Variants in SLC25A51 observed in about 807,000 individuals in gnomAD.
SLC25A51 encodes the protein mitochondrial nicotinamide adenine dinucleotide transporter SLC25A51.
SLC25A51 carries 11 observed loss-of-function variants against 19.1 expected under a neutral mutation model. That is an observed-to-expected ratio of 0.58 (90% CI 0.36 to 0.96). SLC25A51 has a LOEUF of 0.96. SLC25A51 is among the 40% of genes least tolerant of loss of function. SLC25A51 has a pLI of 0.01. For synonymous variants in SLC25A51, 105 were observed against 133.6 expected (o/e 0.79, Z 1.47); for missense variants, 201 against 365.4 (o/e 0.55, Z 3.67).
At chr9:37,901,722 T>G (rs1305471901) in intron 1 of SLC25A51, among the ~76,000 whole-genome samples, 1 of 152,218 alleles carries the variant, frequency 6.6e-6, no homozygotes, top group South Asian at 2.1e-4. Flanking sequence ...CTCCTCTCCC[T>G]TTCTTAATGT....
intron 2 of SLC25A51, among the ~76,000 whole-genome samples, chr9:37,891,215 C>T (rs1267394915): frequency 6.6e-6 from 1 of 152,170 alleles, no homozygotes; most frequent in African/African-American, 2.4e-5. Flanking sequence ...GCCCGGCCAG[C>T]CGCCCCGTCC....
At chr9:37,882,068 C>T (rs1453950315) in intron 2 of SLC25A51, among the ~76,000 whole-genome samples, 1 of 152,216 alleles carries the variant, frequency 6.6e-6, no homozygotes, top group African/African-American at 2.4e-5. Context: ...CATTTAGAGA[C>T]TCCCACACAA....
chr9:37,885,755 G>A (rs1831440593), downstream of SLC25A51: 1 of 1,501,070 alleles, frequency 6.7e-7, no homozygotes, highest in Non-Finnish European at 9.3e-7. Flanking sequence ...TCACTGTGGA[G>A]CAACATATAG....
At chr9:37,884,601 GT>G (rs1410898606), downstream of SLC25A51, among the ~76,000 whole-genome samples, 1 of 152,146 alleles carries the variant, frequency 6.6e-6, no homozygotes. Context: ...AAAACAAAAT[GT>G]TATGGAAGTG....
chr9:37,896,809 T>C (rs1831725171), intron 2 of SLC25A51, among the ~76,000 whole-genome samples: 1 of 152,110 alleles, frequency 6.6e-6, no homozygotes, highest in African/African-American at 2.4e-5. Flanking sequence ...TAAATAAATA[T>C]TTAAGGTTCA....
intron 2 of SLC25A51, among the ~76,000 whole-genome samples, chr9:37,894,302 C>T (rs1831662676): frequency 1.3e-5 from 2 of 151,878 alleles, no homozygotes; most frequent in Non-Finnish European, 2.9e-5. Flanking sequence ...TCTAATTAAA[C>T]CTGCCCCCAC....
intron 2 of SLC25A51, among the ~76,000 whole-genome samples, chr9:37,890,283 CT>C (rs1203990204): frequency 6.6e-6 from 1 of 152,086 alleles, no homozygotes; most frequent in African/African-American, 2.4e-5. Context: ...ATGTGGGATG[CT>C]GAGGTGGGAG....
chr9:37,885,211 T>C (rs1008576818), downstream of SLC25A51, among the ~76,000 whole-genome samples: 2 of 152,054 alleles, frequency 1.3e-5, no homozygotes, highest in African/African-American at 4.8e-5. Flanking sequence ...CAGCCACTTA[T>C]GTTTCAATGC....
intron 2 of SLC25A51, among the ~76,000 whole-genome samples, chr9:37,893,903 A>C (rs1831651948): frequency 6.6e-6 from 1 of 152,148 alleles, no homozygotes; most frequent in Non-Finnish European, 1.5e-5. Context: ...GAACTAATGC[A>C]AGGGACCCTG....
rs374759287 is a variant in SLC25A51 at position 37,888,581 on chromosome 9, A to C, written c.-31T>G. On this transcript the variant is annotated 5_prime_UTR_variant, in exon 3 of 3. Transcript: ENST00000242275. The stretch of plus-strand genomic sequence containing the variant: ...TTAAGATCTTTCTTTTTCATGAAGG[A>C]CTTTTTTTAACCTACAAATAATAAA... 32 of 1,558,276 alleles carry C rather than the reference A, an allele frequency of 2.1e-5. No homozygotes were observed. Among genetic ancestry groups the C allele is most frequent in the Middle Eastern group, 3.5e-4 (2 of 5,780 alleles).
At chr9:37,887,499 G>A (rs533666136), downstream of SLC25A51, 21 of 813,084 alleles carry the variant, frequency 2.6e-5, no homozygotes, top group African/African-American at 3.5e-4. Flanking sequence ...GAAATCCCCT[G>A]GACTTTCACT....
intron 2 of SLC25A51, among the ~76,000 whole-genome samples, chr9:37,898,988 A>G (rs1331133916): frequency 1.3e-5 from 2 of 152,272 alleles, no homozygotes; most frequent in East Asian, 3.9e-4. Flanking sequence ...GAACCTACTA[A>G]TTACCTACTT....
chr9:37,877,583 G>T (rs1437583178), downstream of SLC25A51, among the ~76,000 whole-genome samples: 6 of 134,646 alleles, frequency 4.5e-5, no homozygotes, highest in Non-Finnish European at 7.8e-5. Context: ...TTGAGACAAG[G>T]TCTTACTATA....
chr9:37,884,891 C>G (rs1831414555), downstream of SLC25A51, among the ~76,000 whole-genome samples: 1 of 152,180 alleles, frequency 6.6e-6, no homozygotes, highest in African/African-American at 2.4e-5. Context: ...CAGAATCAAA[C>G]AGAAAACTTT....
chr9:37,883,528 G>A (rs1831388175), downstream of SLC25A51, among the ~76,000 whole-genome samples: 2 of 152,208 alleles, frequency 1.3e-5, no homozygotes, highest in African/African-American at 4.8e-5. Flanking sequence ...TCTACCACCT[G>A]TGTGGAGTGT....
chr9:37,885,635 G>A (rs1831437561), downstream of SLC25A51: 2 of 829,900 alleles, frequency 2.4e-6, no homozygotes, highest in Non-Finnish European at 2.1e-6. Context: ...CGCCCAACGT[G>A]GGCCTCAGAG....
At chr9:37,877,787 C>A (rs893436398), downstream of SLC25A51, among the ~76,000 whole-genome samples, 1 of 152,100 alleles carries the variant, frequency 6.6e-6, no homozygotes. Flanking sequence ...GTGGGTGGAT[C>A]ACTTGAGCTC....
chr9:37,903,319 T>G (rs963363850), intron 1 of SLC25A51, among the ~76,000 whole-genome samples: 3 of 152,178 alleles, frequency 2.0e-5, no homozygotes, highest in Non-Finnish European at 4.4e-5. Flanking sequence ...TAAGATCAGC[T>G]AGGTAGAGCT....
downstream of SLC25A51, among the ~76,000 whole-genome samples, chr9:37,885,224 G>A (rs139599409): frequency 2.3e-3 from 343 of 151,814 alleles, 2 homozygotes; most frequent in African/African-American, 7.4e-3. Flanking sequence ...TTCAATGCAG[G>A]CGATTTCAAG....
Sources: allele counts gnomAD v4.1 joint callset (sites outside exome capture counted in the v4.1 genomes callset), GRCh38; gene constraint gnomAD v4.1.1; transcripts MANE v1.5; gene names NCBI Gene and HGNC (gene_info 2026-07-23, HGNC 2026-07-21).